The following SLC10A7 variants were observed in gnomAD, a reference collection of about 807,000 sequenced individuals.
SLC10A7 encodes the protein sodium/bile acid cotransporter 7.
SLC10A7 carries 29 observed loss-of-function variants against 43.2 expected under a neutral mutation model. The ratio of observed to expected loss-of-function variants is 0.67; its 90% CI spans 0.50 to 0.92. The LOEUF is 0.92. Among genes scored for constraint, SLC10A7 ranks in the 40% least tolerant of loss-of-function variants. The probability of loss-of-function intolerance (pLI) is 0.00; values close to 1 mark genes in which losing one functional copy is unlikely to be tolerated. For synonymous variants in SLC10A7, 152 were observed against 144.8 expected, an observed-to-expected ratio of 1.05 and a Z score of -0.35; for missense variants, 295 against 403.2, an observed-to-expected ratio of 0.73 and a Z score of 2.30.
chr4:146,354,147 T>G (rs2149750566), intron 5 of SLC10A7, among the ~76,000 whole-genome samples: 1 of 145,850 alleles, frequency 6.9e-6, no homozygotes, highest in South Asian at 2.3e-4. Flanking sequence ...CCCCATCATC[T>G]CCGCCCAAAA....
At chr4:146,447,595 C>T (rs138324042) in intron 4 of SLC10A7, among the ~76,000 whole-genome samples, 1 of 151,842 alleles carries the variant, frequency 6.6e-6, no homozygotes, top group East Asian at 1.9e-4. Flanking sequence ...TTATTATTAA[C>T]TCATAAAATC....
At chr4:146,393,968 T>C (rs767780472) in intron 5 of SLC10A7, among the ~76,000 whole-genome samples, 66 of 152,162 alleles carry the variant, frequency 4.3e-4, no homozygotes, top group Non-Finnish European at 7.4e-4. Context: ...TAAAATCTCA[T>C]TTAAAAATTA....
chr4:146,520,793 A>G (rs1738557065), intron 1 of SLC10A7, among the ~76,000 whole-genome samples: 1 of 152,204 alleles, frequency 6.6e-6, no homozygotes, highest in Non-Finnish European at 1.5e-5. Context: ...GAATAAATTC[A>G]ATTAATGTTT....
chr4:146,350,382 C>A (rs1333618162), intron 5 of SLC10A7, among the ~76,000 whole-genome samples: 1 of 126,938 alleles, frequency 7.9e-6, no homozygotes, highest in African/African-American at 3.0e-5. Flanking sequence ...GAGGGTCCTA[C>A]GCCCACGGAA....
At chr4:146,318,353 T>C (rs1381196399) in intron 6 of SLC10A7, among the ~76,000 whole-genome samples, 1 of 152,052 alleles carries the variant, frequency 6.6e-6, no homozygotes, top group Non-Finnish European at 1.5e-5. Context: ...TTAAAACCAA[T>C]GGTCAATTCT....
intron 10 of SLC10A7, among the ~76,000 whole-genome samples, chr4:146,280,866 A>G (rs1341655257): frequency 6.6e-6 from 1 of 152,152 alleles, no homozygotes; most frequent in Non-Finnish European, 1.5e-5. Context: ...TGGAAGTAAA[A>G]TTACCTAATT....
chr4:146,412,320 A>T (rs528279636), intron 5 of SLC10A7, among the ~76,000 whole-genome samples: 13 of 152,162 alleles, frequency 8.5e-5, no homozygotes, highest in Non-Finnish European at 1.8e-4. Context: ...TCCCTCAAAC[A>T]TTAGTATTGA....
intron 10 of SLC10A7, among the ~76,000 whole-genome samples, chr4:146,273,538 C>A (rs1729021280): frequency 6.6e-6 from 1 of 152,050 alleles, no homozygotes; most frequent in Non-Finnish European, 1.5e-5. Flanking sequence ...TCAAGTGAGA[C>A]AGTGTATGGG....
intron 10 of SLC10A7, among the ~76,000 whole-genome samples, chr4:146,259,083 C>T (rs1025817884): frequency 3.3e-5 from 5 of 152,096 alleles, no homozygotes; most frequent in African/African-American, 4.8e-5. Flanking sequence ...ATAATTCTCA[C>T]GGCAAATTAG....
intron 4 of SLC10A7, among the ~76,000 whole-genome samples, chr4:146,473,050 TCA>T (rs1004070286): frequency 4.6e-4 from 70 of 152,324 alleles, no homozygotes; most frequent in African/African-American, 1.6e-3. Flanking sequence ...AAGGCAGTTA[TCA>T]CTATTTCCTC....
intron 10 of SLC10A7, among the ~76,000 whole-genome samples, chr4:146,261,426 C>A (rs941999596): frequency 1.3e-5 from 2 of 152,212 alleles, no homozygotes; most frequent in African/African-American, 2.4e-5. Context: ...CTTTGCCCCC[C>A]CAGCTCCAGC....
intron 10 of SLC10A7, 110 bp from the exon 11 acceptor site, chr4:146,258,947 C>A (rs1357838152): frequency 4.2e-6 from 5 of 1,187,004 alleles, no homozygotes; most frequent in Non-Finnish European, 5.8e-6. Flanking sequence ...CATATTTTCT[C>A]ATGTTTATTC....
chr4:146,378,452 A>T (rs975913057), intron 5 of SLC10A7, among the ~76,000 whole-genome samples: 2 of 152,208 alleles, frequency 1.3e-5, no homozygotes, highest in Non-Finnish European at 2.9e-5. Context: ...GTTTGAAGAG[A>T]CACAATCAAC....
At chr4:146,448,562 C>T (rs1731314805) in intron 4 of SLC10A7, among the ~76,000 whole-genome samples, 1 of 151,320 alleles carries the variant, frequency 6.6e-6, no homozygotes, top group Admixed American at 6.6e-5. Context: ...TATGAGGTTA[C>T]TAAATAAAAA....
chr4:146,395,193 AC>A (rs1489776892), intron 5 of SLC10A7, among the ~76,000 whole-genome samples: 1 of 151,668 alleles, frequency 6.6e-6, no homozygotes, highest in East Asian at 1.9e-4. Context: ...ATATAGCAAG[AC>A]CCCCAACTCT....
intron 4 of SLC10A7, among the ~76,000 whole-genome samples, chr4:146,472,059 T>A (rs980195143): frequency 1.3e-5 from 2 of 152,088 alleles, no homozygotes; most frequent in African/African-American, 4.8e-5. Context: ...GACATCTCAA[T>A]ACAAAATATA....
intron 5 of SLC10A7, among the ~76,000 whole-genome samples, chr4:146,439,919 C>T (rs1404652999): frequency 6.6e-6 from 1 of 152,076 alleles, no homozygotes; most frequent in Non-Finnish European, 1.5e-5. Flanking sequence ...ATAAAGTTTA[C>T]AATTTGGAAT....
chr4:146,395,147 C>T (rs1349724838), intron 5 of SLC10A7, among the ~76,000 whole-genome samples: 4 of 152,008 alleles, frequency 2.6e-5, no homozygotes, highest in African/African-American at 7.2e-5. Context: ...GGCTGGAGGA[C>T]TGCCTGAGAA....
intron 6 of SLC10A7, among the ~76,000 whole-genome samples, chr4:146,311,327 TCA>T (rs1171128374): frequency 6.6e-6 from 1 of 152,150 alleles, no homozygotes; most frequent in Admixed American, 6.5e-5. Flanking sequence ...GTCTGTAGAA[TCA>T]CAGTTATCAA....
Sources: gnomAD v4.1 joint callset for allele counts (sites outside exome capture counted in the v4.1 genomes callset) on GRCh38, gnomAD v4.1.1 for gene constraint, MANE v1.5 for transcripts, NCBI Gene and HGNC (gene_info 2026-07-23, HGNC 2026-07-21) for gene names.